The following GAL3ST3 variants were observed in gnomAD, a reference collection of about 807,000 sequenced individuals.
GAL3ST3 encodes the protein galactose-3-O-sulfotransferase 3.
Under a neutral mutation model 20.8 loss-of-function variants are expected in GAL3ST3, and 21 were observed. The observed-to-expected ratio is 1.01, with a 90% confidence interval of 0.72 to 1.45. GAL3ST3 has a LOEUF of 1.45. Among genes scored for constraint, GAL3ST3 ranks in the 40% most tolerant of loss-of-function variants. The probability of loss-of-function intolerance (pLI) is 0.00; values close to 1 mark genes in which losing one functional copy is unlikely to be tolerated. For synonymous variants in GAL3ST3, 355 were observed against 307.2 expected, an observed-to-expected ratio of 1.16 and a Z score of -1.63; for missense variants, 739 against 662.7, an observed-to-expected ratio of 1.12 and a Z score of -1.26.
chr11:66,044,399 C>T (rs1565081284), intron 2 of GAL3ST3, among the ~76,000 whole-genome samples: 1 of 152,068 alleles, frequency 6.6e-6, no homozygotes, highest in Non-Finnish European at 1.5e-5. Context: ...TTGAGGAATC[C>T]CACTTTGTAT....
In GAL3ST3 at chr11:66,041,273, G is replaced by A. The variant is rs967984833; in HGVS notation, c.*1234C>T. ...GCCCTTAAACAGTGGCTGGCACACCGTAGACCATAATAGCTATTGTTTTTT... is the reference window on the plus strand; with the variant it reads ...GCCCTTAAACAGTGGCTGGCACACCATAGACCATAATAGCTATTGTTTTTT... On this transcript the variant is annotated 3_prime_UTR_variant, in exon 3 of 3. Transcript: ENST00000312006. Among the ~76,000 whole-genome samples the A allele has an allele frequency of 1.3e-5, 2 of 152,168 alleles. No individual in the cohort carries two copies. Among genetic ancestry groups the A allele is most frequent in the East Asian group, 1.9e-4 (1 of 5,198 alleles).
Position 66,042,595 on chromosome 11 carries a change from C to A in GAL3ST3, c.1208G>T (p.Gly403Val), listed in dbSNP as rs1267472197. 1 of 1,536,806 alleles carries A rather than the reference C, an allele frequency of 6.5e-7. No individual in the cohort carries two copies. Among genetic ancestry groups the A allele is most frequent in the Non-Finnish European group, 8.7e-7 (1 of 1,147,466 alleles). ...GGGCTCGGGCCGAGCCCGCGCACCG[C>A]CCCGGCGCTTCTGCTTGCGCAACAG... ...NYLLRKQKRR[G>V]GARARPEPVL... Residue 403 changes from glycine (G) to valine (V), a missense_variant, in exon 3 of 3, where the codon GGC (glycine) becomes GTC (valine). Physicochemically the swap from Gly to Val is moderately radical, Grantham distance 109. Coordinates refer to ENST00000312006, the MANE Select transcript of GAL3ST3 (RefSeq NM_033036.3).
chr11:66,045,164 G>A (rs1442014546), intron 2 of GAL3ST3, 127 bp downstream of exon 2: 3 of 728,852 alleles, frequency 4.1e-6, no homozygotes, highest in Non-Finnish European at 6.2e-6. Context: ...TGTCCAGGGA[G>A]GCTGTGTGGC....
chr11:66,046,903 G>A (rs1004228842), intron 1 of GAL3ST3, among the ~76,000 whole-genome samples: 3 of 152,190 alleles, frequency 2.0e-5, no homozygotes, highest in Admixed American at 6.5e-5. Context: ...TTTTCTGGGA[G>A]CCCTGGGCTT....
intron 1 of GAL3ST3, among the ~76,000 whole-genome samples, chr11:66,048,030 T>G (rs965952209): frequency 6.6e-6 from 1 of 152,156 alleles, no homozygotes; most frequent in Admixed American, 6.5e-5. Context: ...AGGGGGCCAC[T>G]GGGCTGGGTT....
Position 66,042,985 on chromosome 11 carries a change from C to A in GAL3ST3, c.818G>T (p.Ser273Ile). The change falls in exon 3 of 3, where the codon AGC (serine) becomes ATC (isoleucine). Residue 273 changes from serine to isoleucine, a missense_variant. By Grantham distance (142) the Ser-to-Ile change is moderately radical. Transcript: ENST00000312006. ...LYAKLNARAA[S>I]SRLAAIPAAL... ...CGCGGGGATGGCGGCCAGGCGCGAG[C>A]TGGCGGCGCGCGCGTTGAGCTTGGC... is the stretch of plus-strand genomic sequence containing the variant. The A allele has an allele frequency of 6.3e-7, 1 of 1,581,454 alleles. No homozygotes were observed. The highest frequency in any genetic ancestry group is 8.6e-7 in the Non-Finnish European group (1 of 1,168,532).
chr11:66,047,853 T>C (rs897038881), intron 1 of GAL3ST3, among the ~76,000 whole-genome samples: 1 of 152,168 alleles, frequency 6.6e-6, no homozygotes, highest in Non-Finnish European at 1.5e-5. Context: ...CTTCAGGTAT[T>C]TGGAAGCAGT....
intron 2 of GAL3ST3, 57 bp from the exon 3 acceptor site, chr11:66,043,734 C>T: frequency 6.8e-7 from 1 of 1,465,050 alleles, no homozygotes; most frequent in Non-Finnish European, 9.2e-7. Flanking sequence ...CCGCTTGACC[C>T]CTGCCCTTAC....
chr11:66,043,036 G>A lies in GAL3ST3; in HGVS notation c.767C>T (p.Ala256Val), dbSNP rs774946403. Residue 256 changes from alanine to valine, a missense_variant, in exon 3 of 3, where the codon GCC becomes GTC. Transcript: ENST00000312006. ...ESLVLLRRLL[A>V]WDLDDVLYAK... ...GTAGAGCACGTCGTCCAGGTCCCAGGCCAGTAGGCGCCGCAGCAGCACTAG... is the reference window on the plus strand; with the variant it reads ...GTAGAGCACGTCGTCCAGGTCCCAGACCAGTAGGCGCCGCAGCAGCACTAG... The A allele has an allele frequency of 2.5e-6, 4 of 1,610,538 alleles. No individual in the cohort carries two copies. The highest frequency in any genetic ancestry group is 1.1e-5 in the South Asian group (1 of 91,066).
chr11:66,045,746 T>C (rs1237687668), intron 1 of GAL3ST3, among the ~76,000 whole-genome samples: 1 of 152,230 alleles, frequency 6.6e-6, no homozygotes, highest in African/African-American at 2.4e-5. Flanking sequence ...CCCTTCAGGC[T>C]GTAGCCACTC....
chr11:66,046,871 G>A (rs1179442910), intron 1 of GAL3ST3, among the ~76,000 whole-genome samples: 1 of 152,190 alleles, frequency 6.6e-6, no homozygotes, highest in Non-Finnish European at 1.5e-5. Flanking sequence ...AAGGTAATAT[G>A]AAAACCCTTT....
At chr11:66,047,435 G>A (rs946159417) in intron 1 of GAL3ST3, among the ~76,000 whole-genome samples, 1 of 152,200 alleles carries the variant, frequency 6.6e-6, no homozygotes, top group Non-Finnish European at 1.5e-5. Context: ...TCTACTGGCC[G>A]CACAGAGAGA....
Position 66,043,690 on chromosome 11 carries a change from G to C in GAL3ST3, c.126-13C>G, listed in dbSNP as rs762117985. ...CAGCTTGGGGTACCTGCCAGGCCCAGGGAGTGTGCGGAGAGGAGGGTGTGA... is the reference window on the plus strand; with the variant it reads ...CAGCTTGGGGTACCTGCCAGGCCCACGGAGTGTGCGGAGAGGAGGGTGTGA... On this transcript the variant is annotated splice_polypyrimidine_tract_variant and intron_variant, in intron 2 of 2. Coordinates refer to ENST00000312006, the MANE Select transcript of GAL3ST3 (RefSeq NM_033036.3). 1.9e-6 allele frequency: 3 copies of C among 1,585,482 alleles called. No homozygotes were observed. In the East Asian group the frequency reaches 6.8e-5, roughly 36 times the overall value.
chr11:66,045,741 C>G (rs1271496778), intron 1 of GAL3ST3, among the ~76,000 whole-genome samples: 1 of 152,210 alleles, frequency 6.6e-6, no homozygotes, highest in East Asian at 1.9e-4. Flanking sequence ...GCCAGCCCTT[C>G]AGGCTGTAGC....
Position 66,041,980 on chromosome 11 carries a change from A to C in GAL3ST3, c.*527T>G, listed in dbSNP as rs1354364626. 6.6e-6 allele frequency: 1 copy of C among 152,628 alleles called. No homozygotes were observed. Among genetic ancestry groups the C allele is most frequent in the Non-Finnish European group, 1.5e-5 (1 of 68,108 alleles). 9.5% of individuals were successfully genotyped at this position (152,628 alleles called of 1,614,324 possible). ...ATTTTAAAGATGTTTTATTAAAAAA[A>C]AGAAAAACCAACCAAACAAAAATCC... On this transcript the variant is annotated 3_prime_UTR_variant, in exon 3 of 3. Transcript: ENST00000312006.
chr11:66,042,895 G>T lies in GAL3ST3; in HGVS notation c.908C>A (p.Ala303Asp). Reference protein sequence around the residue: ...LDAGLYDHFNATFWRHVARAG... With the variant: ...LDAGLYDHFNDTFWRHVARAG... ...GCGCGCCACGTGGCGCCAGAAGGTG[G>T]CGTTGAAGTGGTCGTAGAGGCCGGC... The change falls in exon 3 of 3, where the codon GCC becomes GAC. Residue 303 changes from alanine (A) to aspartate (D), a missense_variant. Transcript: ENST00000312006. The T allele has an allele frequency of 3.3e-6, 4 of 1,202,936 alleles. No individual in the cohort carries two copies. Among genetic ancestry groups the T allele is most frequent in the Non-Finnish European group, 4.2e-6 (4 of 959,552 alleles). 74.5% of individuals were successfully genotyped at this position (1,202,936 alleles called of 1,614,324 possible). A position where few individuals can be genotyped will look rare whatever the true frequency, so the allele number is the denominator to read the frequency against.
intron 1 of GAL3ST3, among the ~76,000 whole-genome samples, chr11:66,047,098 G>A (rs79445978): frequency 0.024 from 3,615 of 152,304 alleles, 35 homozygotes; most frequent in Non-Finnish European, 0.031. Context: ...GCCACAGAGG[G>A]TAACCAAGGG....
At position 66,040,932 on chromosome 11, in the gene GAL3ST3, T is replaced by C. The variant is rs115605477; in HGVS notation, c.*1575A>G. Among the ~76,000 whole-genome samples, 10 of 152,224 alleles carry C rather than the reference T, an allele frequency of 6.6e-5. No homozygotes were observed. The highest frequency in any genetic ancestry group is 1.5e-4 in the Non-Finnish European group (10 of 68,040). On this transcript the variant is annotated 3_prime_UTR_variant, in exon 3 of 3. Coordinates refer to ENST00000312006, the MANE Select transcript of GAL3ST3 (RefSeq NM_033036.3). ...GCATCCTGCCAATCAATCACTGTAA[T>C]GTCCATTGTCCAAACAGGTCAACCG...
Position 66,042,429 on chromosome 11 carries a change from G to A in GAL3ST3, c.*78C>T. 1 of 1,153,198 alleles carries A rather than the reference G, an allele frequency of 8.7e-7. No individual in the cohort carries two copies. The highest frequency in any genetic ancestry group is 1.7e-5 in the South Asian group (1 of 58,566). The allele number at this position is 1,153,198 out of a possible 1,614,324, so 71.4% of individuals were successfully genotyped here. On this transcript the variant is annotated 3_prime_UTR_variant, in exon 3 of 3. Transcript: ENST00000312006. Reference sequence around the variant, plus strand: ...CTTGAAAAGAAAGGGCTCTCATGGGGGCAGGACATGGAGGCAGCCCCTGGC... The same window carrying A: ...CTTGAAAAGAAAGGGCTCTCATGGGAGCAGGACATGGAGGCAGCCCCTGGC...
Sources: allele counts gnomAD v4.1 joint callset (sites outside exome capture counted in the v4.1 genomes callset), GRCh38; gene constraint gnomAD v4.1.1; transcripts MANE v1.5; gene names NCBI Gene and HGNC (gene_info 2026-07-23, HGNC 2026-07-21).